ZNF273: variants seen among roughly 807,000 people sequenced by gnomAD.
The protein encoded by ZNF273 is zinc finger protein 9.
ZNF273 carries 11 observed loss-of-function variants against 14.9 expected under a neutral mutation model. The ratio of observed to expected loss-of-function variants is 0.74; its 90% CI spans 0.46 to 1.22. The LOEUF (loss-of-function observed/expected upper bound fraction) is 1.22, where lower values mean the gene tolerates loss of function less well. Ranked by LOEUF, ZNF273 falls within the 50% of genes most tolerant of loss-of-function variation. The pLI is 0.00. For synonymous variants in ZNF273, 199 were observed against 223.9 expected, an observed-to-expected ratio of 0.89 and a Z score of 0.99; for missense variants, 577 against 660.6, an observed-to-expected ratio of 0.87 and a Z score of 1.39.
Position 64,911,301 on chromosome 7 carries a change from G to A in ZNF273, c.103-6280G>A, listed in dbSNP as rs1371696303. 6.0e-5 allele frequency among the ~76,000 whole-genome samples: 9 copies of A among 149,788 alleles called. No individual in the cohort carries two copies. The South Asian group carries it at 1.7e-3, about 28-fold the overall frequency. ...TAGCCTTTTTTTTTTTTTTGAGATG[G>A]AGTTTCACTCTGGTTGCAATGGCAT... On this transcript the variant is annotated intron_variant, in intron 1 of 3. Coordinates refer to ENST00000476120, the MANE Select transcript of ZNF273 (RefSeq NM_021148.3).
chr7:64,928,094 C>G lies in ZNF273; in HGVS notation c.766C>G (p.His256Asp). The G allele has an allele frequency of 6.2e-7, 1 of 1,613,790 alleles. No individual in the cohort carries two copies. Among genetic ancestry groups the G allele is most frequent in the Non-Finnish European group, 8.5e-7 (1 of 1,179,850 alleles). ...FSNLTKHKII[H>D]PEVNPYKCEE... ...AAATCTTACTAAACATAAGATAATTCATCCTGAAGTGAATCCCTACAAATG... is the reference window on the plus strand; with the variant it reads ...AAATCTTACTAAACATAAGATAATTGATCCTGAAGTGAATCCCTACAAATG... The change falls in exon 4 of 4, where the codon CAT (histidine) becomes GAT (aspartate). Residue 256 changes from histidine (H) to aspartate (D), a missense_variant. Coordinates refer to ENST00000476120, the MANE Select transcript of ZNF273 (RefSeq NM_021148.3).
chr7:64,898,975 T>G (rs1170248903), upstream of ZNF273, among the ~76,000 whole-genome samples: 1 of 152,248 alleles, frequency 6.6e-6, no homozygotes, highest in Non-Finnish European at 1.5e-5. Flanking sequence ...TTACTCTAAA[T>G]TGAGAGACTA....
exon 3 of ZNF273, chr7:64,879,677 C>T (rs938430053): frequency 3.9e-5 from 6 of 152,204 alleles, no homozygotes; most frequent in Non-Finnish European, 8.8e-5. Context: ...CACCATCATC[C>T]AGAATTTTAA....
At chr7:64,888,952 G>A, downstream of ZNF273, 7 of 981,646 alleles carry the variant, frequency 7.1e-6, no homozygotes, top group Non-Finnish European at 8.5e-6. Context: ...AGGGTGTCCA[G>A]CCCCTGTCCA....
intron 1 of ZNF273, among the ~76,000 whole-genome samples, chr7:64,887,089 G>T (rs1791630497): frequency 6.6e-6 from 1 of 152,202 alleles, no homozygotes; most frequent in African/African-American, 2.4e-5. Flanking sequence ...ACCCTATGGA[G>T]ACTACTTTTC....
downstream of ZNF273, among the ~76,000 whole-genome samples, chr7:64,893,216 A>C (rs969131206): frequency 6.6e-6 from 1 of 152,202 alleles, no homozygotes; most frequent in Non-Finnish European, 1.5e-5. Context: ...TGTATCATTA[A>C]GACTCATCAT....
chr7:64,921,421 G>C (rs1019402388), intron 3 of ZNF273, among the ~76,000 whole-genome samples: 3 of 151,836 alleles, frequency 2.0e-5, no homozygotes, highest in Admixed American at 2.0e-4. Context: ...ATGGGGTCTT[G>C]ATGTCTACTA....
upstream of ZNF273, among the ~76,000 whole-genome samples, chr7:64,901,627 G>A (rs76897101): frequency 8.5e-3 from 1,298 of 152,254 alleles, 24 homozygotes; most frequent in African/African-American, 0.03. Context: ...CCGTAAGTGA[G>A]ACCCTCTTTT....
chr7:64,935,363 A>G (rs1193096403), downstream of ZNF273, among the ~76,000 whole-genome samples: 1 of 152,108 alleles, frequency 6.6e-6, no homozygotes, highest in Non-Finnish European at 1.5e-5. Flanking sequence ...AAAGCTTACA[A>G]CATTTCCTTG....
At chr7:64,927,483 C>G (rs796544836) in intron 3 of ZNF273, among the ~76,000 whole-genome samples, 171 bp from the exon 4 acceptor site, 1 of 149,624 alleles carries the variant, frequency 6.7e-6, no homozygotes, top group Non-Finnish European at 1.5e-5. Context: ...ACAAATGTAT[C>G]TTGGTCAGTA....
downstream of ZNF273, among the ~76,000 whole-genome samples, chr7:64,894,454 T>TTACAGATTACAGATTAC (rs1792241639): frequency 6.6e-6 from 1 of 152,228 alleles, no homozygotes; most frequent in Non-Finnish European, 1.5e-5. Flanking sequence ...CAGATTACTG[T>TTACAGATTACAGATTAC]AGGGTTCAGG....
At chr7:64,889,029 T>C (rs1207843780), downstream of ZNF273, 1 of 985,646 alleles carries the variant, frequency 1.0e-6, no homozygotes, top group African/African-American at 1.8e-5. The surrounding 1 kb of genome is among the most constrained non-coding windows in gnomAD (Gnocchi z 4.2). Context: ...AGGAACCGAG[T>C]GTCCACAAAG....
At chr7:64,914,180 G>GTTTTTTTTTTTTTTTTTTTTTT (rs1793773323) in intron 1 of ZNF273, among the ~76,000 whole-genome samples, 1 of 63,072 alleles carries the variant, frequency 1.6e-5, no homozygotes, top group Non-Finnish European at 2.9e-5. Context: ...GGTAATTTTT[G>GTTTTTTTTTTTTTTTTTTTTTT]TATTTTTTTT....
downstream of ZNF273, among the ~76,000 whole-genome samples, chr7:64,880,813 C>T (rs1180213293): frequency 6.6e-6 from 1 of 152,166 alleles, no homozygotes; most frequent in Non-Finnish European, 1.5e-5. Context: ...TTTCCTGTGG[C>T]CAACCCAGGG....
At chr7:64,936,290 C>G in the ZNF273 span, among the ~76,000 whole-genome samples, 1 of 152,204 alleles carries the variant, frequency 6.6e-6, no homozygotes, top group East Asian at 1.9e-4. Context: ...TGACCAGATT[C>G]AGTAAGTATC....
At chr7:64,913,166 A>C (rs1183949714) in intron 1 of ZNF273, among the ~76,000 whole-genome samples, 1 of 152,154 alleles carries the variant, frequency 6.6e-6, no homozygotes, top group South Asian at 2.1e-4. Context: ...AGATCCAGTG[A>C]TTGTTTCACA....
chr7:64,888,614 C>T (rs1344450035), exon 2 of ZNF273: 2 of 985,798 alleles, frequency 2.0e-6, no homozygotes, highest in Non-Finnish European at 1.2e-6. Context: ...CTCCACCACC[C>T]AGCAGGAGCG....
downstream of ZNF273, among the ~76,000 whole-genome samples, chr7:64,933,851 C>T (rs952252445): frequency 2.0e-5 from 3 of 151,970 alleles, no homozygotes; most frequent in Admixed American, 2.0e-4. Flanking sequence ...AATGCTTTAC[C>T]TCACATAGTT....
chr7:64,880,769 T>C (rs887409613), downstream of ZNF273, among the ~76,000 whole-genome samples: 1 of 152,132 alleles, frequency 6.6e-6, no homozygotes, highest in Non-Finnish European at 1.5e-5. Context: ...AGGAGCACAC[T>C]ACACCCAAGA....
Sources: gnomAD v4.1 joint callset for allele counts (sites outside exome capture counted in the v4.1 genomes callset) on GRCh38, gnomAD v4.1.1 for gene constraint, Gnocchi (gnomAD v3.1) non-coding constraint, MANE v1.5 for transcripts, NCBI Gene and HGNC (gene_info 2026-07-23, HGNC 2026-07-21) for gene names.